CASP9: variants seen among roughly 807,000 people sequenced by gnomAD.
CASP9 encodes caspase 9.
In CASP9, 29 loss-of-function variants were observed where a neutral mutation model predicts 43.5. That is an observed-to-expected ratio of 0.67 (90% CI 0.50 to 0.91). CASP9 has a LOEUF of 0.91. Ranked by LOEUF, CASP9 falls within the 40% of genes least tolerant of loss-of-function variation. The pLI, the probability that CASP9 is intolerant of heterozygous loss-of-function variation, is 0.00. For missense variants in CASP9, 575 were observed against 537.4 expected (o/e 1.07, Z -0.69); for synonymous variants, 206 against 211.9 (o/e 0.97, Z 0.24).
At chr1:15,511,278 G>A (rs1043798121) in intron 2 of CASP9, among the ~76,000 whole-genome samples, 4 of 152,174 alleles carry the variant, frequency 2.6e-5, no homozygotes, top group Non-Finnish European at 4.4e-5. Context: ...TGGAGACGGA[G>A]TCTCACTCTC....
rs577181183 is a variant in CASP9 at position 15,492,391 on chromosome 1, G to A, written c.*552C>T. 84 of 152,410 alleles carry A rather than the reference G, an allele frequency of 5.5e-4. No homozygotes were observed. The highest frequency in any genetic ancestry group is 3.4e-3 in the Middle Eastern group (1 of 294). The allele number at this position is 152,410 out of a possible 1,614,324, so 9.4% of individuals were successfully genotyped here. The stretch of plus-strand genomic sequence containing the variant: ...AGCTGTTCAGACTCTAGTAGGCCCC[G>A]GTTTGCTGATCTATGAGCGATACTG... On this transcript the variant is annotated 3_prime_UTR_variant, in exon 9 of 9. Transcript: ENST00000333868.
At chr1:15,501,090 T>C (rs1044951136) in intron 6 of CASP9, among the ~76,000 whole-genome samples, 1 of 152,128 alleles carries the variant, frequency 6.6e-6, no homozygotes, top group African/African-American at 2.4e-5. Context: ...CCCACAAGAA[T>C]AAATATACAG....
chr1:15,501,549 C>A (rs142892430), intron 6 of CASP9, among the ~76,000 whole-genome samples: 1 of 152,170 alleles, frequency 6.6e-6, no homozygotes, highest in Non-Finnish European at 1.5e-5. Context: ...TAGTGAAGAA[C>A]GGGGACCTTT....
rs376339265 is a variant in CASP9, at chr1:15,507,093, C to G, written c.454-18G>C. The G allele has an allele frequency of 6.2e-7, 1 of 1,612,608 alleles. No individual in the cohort carries two copies. The highest frequency in any genetic ancestry group is 8.5e-7 in the Non-Finnish European group (1 of 1,178,944). ...ATGTAAGCCTGCCAGCACAGGGACC[C>G]ACGTAAACCCGGGCTCTCCCCACGC... On this transcript the variant is annotated intron_variant, in intron 3 of 8. Coordinates refer to ENST00000333868, the MANE Select transcript of CASP9 (RefSeq NM_001229.5).
chr1:15,513,353 G>T (rs1020115812), intron 2 of CASP9, among the ~76,000 whole-genome samples: 4 of 152,100 alleles, frequency 2.6e-5, no homozygotes, highest in African/African-American at 4.8e-5. Flanking sequence ...GGAGAATCAT[G>T]AGAACACAGC....
At chr1:15,521,116 C>G (rs1436482355) in intron 1 of CASP9, among the ~76,000 whole-genome samples, 1 of 145,550 alleles carries the variant, frequency 6.9e-6, no homozygotes, top group Admixed American at 7.0e-5. Flanking sequence ...GAGATTGCGG[C>G]ACTGCACTCC....
At chr1:15,521,239 C>T (rs1290877414) in intron 1 of CASP9, among the ~76,000 whole-genome samples, 1 of 150,016 alleles carries the variant, frequency 6.7e-6, no homozygotes, top group Non-Finnish European at 1.5e-5. Context: ...CATTGCACTC[C>T]AGCCTGGGCG....
In CASP9 at chr1:15,507,910, G is replaced by A. The variant is rs372978152; in HGVS notation, c.419-3C>T. 1.2e-6 allele frequency: 2 copies of A among 1,613,980 alleles called. No homozygotes were observed. Among genetic ancestry groups the A allele is most frequent in the African/African-American group, 2.7e-5 (2 of 74,932 alleles). ...TCCCCTCAAACTCTCAAGAGCACCTGAAGAGGCAGAGAAAGAGAGAAACAT... is the reference window on the plus strand; with the variant it reads ...TCCCCTCAAACTCTCAAGAGCACCTAAAGAGGCAGAGAAAGAGAGAAACAT... On this transcript the variant is annotated splice_region_variant and splice_polypyrimidine_tract_variant and intron_variant, in intron 2 of 8. Transcript: ENST00000333868.
At position 15,507,878 on chromosome 1, in the gene CASP9, C is replaced by G; in HGVS notation, c.448G>C (p.Asp150His). 1 of 1,614,146 alleles carries G rather than the reference C, an allele frequency of 6.2e-7. No individual in the cohort carries two copies. The highest frequency in any genetic ancestry group is 8.5e-7 in the Non-Finnish European group (1 of 1,180,008). ...CAAATTTCATGGAGACTCACCAAATCTGCATTTCCCCTCAAACTCTCAAGA... is the reference window on the plus strand; with the variant it reads ...CAAATTTCATGGAGACTCACCAAATGTGCATTTCCCCTCAAACTCTCAAGA... ...GALESLRGNADLAYILSMEPC... is the reference protein window; with the variant it reads ...GALESLRGNAHLAYILSMEPC... The change falls in exon 3 of 9, where the codon GAT becomes CAT. Residue 150 changes from aspartate (D) to histidine (H), a missense_variant. By Grantham distance (81) the Asp-to-His change is moderately conservative. Coordinates refer to ENST00000333868, the MANE Select transcript of CASP9 (RefSeq NM_001229.5).
At chr1:15,514,521 C>T (rs758253855) in intron 2 of CASP9, among the ~76,000 whole-genome samples, 18 of 152,280 alleles carry the variant, frequency 1.2e-4, no homozygotes, top group Middle Eastern at 3.4e-3. Context: ...TCTATTAAGC[C>T]AGAAGACCTA....
At chr1:15,500,747 C>T (rs969905930) in intron 6 of CASP9, among the ~76,000 whole-genome samples, 5 of 152,094 alleles carry the variant, frequency 3.3e-5, no homozygotes, top group South Asian at 2.1e-4. Flanking sequence ...AGGCCTGAGG[C>T]GTGAATGTGA....
intron 1 of CASP9, chr1:15,520,146 C>T (rs1164180686): frequency 6.6e-6 from 1 of 152,234 alleles, no homozygotes; most frequent in Admixed American, 6.5e-5. Flanking sequence ...GCACCGTGTC[C>T]TCAACTATCC....
chr1:15,505,814 A>G (rs1279825410), intron 5 of CASP9, among the ~76,000 whole-genome samples, 176 bp downstream of exon 5: 1 of 152,026 alleles, frequency 6.6e-6, no homozygotes. Flanking sequence ...GGTGCAGCCA[A>G]CTCCTCAGAG....
At chr1:15,502,058 T>C (rs1251060839) in intron 6 of CASP9, among the ~76,000 whole-genome samples, 1 of 152,174 alleles carries the variant, frequency 6.6e-6, no homozygotes, top group African/African-American at 2.4e-5. Context: ...TTTTGTATGG[T>C]TCTCCTTTAC....
intron 2 of CASP9, among the ~76,000 whole-genome samples, chr1:15,515,856 G>A (rs530040896): frequency 2.6e-4 from 39 of 152,224 alleles, no homozygotes; most frequent in African/African-American, 8.4e-4. Flanking sequence ...AGGAGTTTGA[G>A]GGCAGCCTGG....
intron 6 of CASP9, among the ~76,000 whole-genome samples, chr1:15,500,797 A>C (rs910705240): frequency 1.3e-5 from 2 of 151,282 alleles, no homozygotes; most frequent in Non-Finnish European, 2.9e-5. Context: ...GGGCGGAGGG[A>C]TGCCTAAGTG....
chr1:15,503,255 G>A (rs554694282), intron 6 of CASP9, among the ~76,000 whole-genome samples: 94 of 151,902 alleles, frequency 6.2e-4, no homozygotes, highest in Non-Finnish European at 1.2e-3. Context: ...GCTGGGCATG[G>A]TAGTGTGCAC....
chr1:15,495,026 G>A (rs896200003), intron 7 of CASP9, among the ~76,000 whole-genome samples: 6 of 152,040 alleles, frequency 3.9e-5, no homozygotes, highest in African/African-American at 1.4e-4. Context: ...GAAGGCAGAG[G>A]CAGGGTCAGG....
chr1:15,522,087 T>C (rs2103384565), intron 1 of CASP9, among the ~76,000 whole-genome samples: 1 of 152,332 alleles, frequency 6.6e-6, no homozygotes, highest in South Asian at 2.1e-4. Flanking sequence ...GTTAAATGCA[T>C]TGTTTCATCT....
Sources: gnomAD v4.1 joint callset for allele counts (sites outside exome capture counted in the v4.1 genomes callset) on GRCh38, gnomAD v4.1.1 for gene constraint, MANE v1.5 for transcripts, NCBI Gene and HGNC (gene_info 2026-07-23, HGNC 2026-07-21) for gene names.